The following ABCC1 variants were observed in gnomAD, a reference collection of about 807,000 sequenced individuals.
ABCC1 encodes the protein multidrug resistance-associated protein 1.
In ABCC1, 83 loss-of-function variants were observed where a neutral mutation model predicts 172.9. That is an observed-to-expected ratio of 0.48 (90% CI 0.40 to 0.58). ABCC1 has a LOEUF of 0.58. Among genes scored for constraint, ABCC1 ranks in the 20% least tolerant of loss-of-function variants. The probability of loss-of-function intolerance (pLI) is 0.00; values close to 1 mark genes in which losing one functional copy is unlikely to be tolerated. For synonymous variants in ABCC1, 937 were observed against 825.2 expected, an observed-to-expected ratio of 1.14 and a Z score of -2.32; for missense variants, 1,817 against 2,002.7, an observed-to-expected ratio of 0.91 and a Z score of 1.77.
chr16:15,996,225 C>A (rs558791356), intron 1 of ABCC1, among the ~76,000 whole-genome samples: 1 of 152,036 alleles, frequency 6.6e-6, no homozygotes, highest in African/African-American at 2.4e-5. Flanking sequence ...CCTCATGATC[C>A]GCCCGCCTCA....
intron 1 of ABCC1, among the ~76,000 whole-genome samples, chr16:15,958,475 T>C (rs1215632395): frequency 6.6e-6 from 1 of 152,210 alleles, no homozygotes; most frequent in African/African-American, 2.4e-5. Context: ...GAACCCACTT[T>C]GGCACCTGTT....
In ABCC1 at chr16:16,111,546, C is replaced by T. The variant is rs1421107346; in HGVS notation, c.3043C>T (p.Arg1015Trp). The T allele has an allele frequency of 3.7e-6, 6 of 1,613,934 alleles. No individual in the cohort carries two copies. Among genetic ancestry groups the T allele is most frequent in the East Asian group, 2.2e-5 (1 of 44,892 alleles). ...VNGTQEHTKV[R>W]LSVYGALGIS... ...CGGGACTCAGGAGCACACGAAAGTC[C>T]GGCTGAGCGTCTATGGAGCCCTGGG... The change falls in exon 22 of 31, where the codon CGG becomes TGG. Residue 1015 changes from arginine to tryptophan, a missense_variant. Transcript: ENST00000399410.
At chr16:16,005,896 G>A (rs568787515) in intron 1 of ABCC1, among the ~76,000 whole-genome samples, 25 of 151,968 alleles carry the variant, frequency 1.6e-4, no homozygotes, top group African/African-American at 6.0e-4. Context: ...AGAGATTGCA[G>A]TGAGCCGAGA....
intron 22 of ABCC1, among the ~76,000 whole-genome samples, chr16:16,113,480 C>T (rs2044712115): frequency 6.6e-6 from 1 of 152,144 alleles, no homozygotes; most frequent in African/African-American, 2.4e-5. Context: ...CATGGCAAAA[C>T]CCTGTTTCTA....
At chr16:16,086,793 G>A in intron 17 of ABCC1, 31 bp from the exon 18 acceptor site, 1 of 1,607,480 alleles carries the variant, frequency 6.2e-7, no homozygotes, top group South Asian at 1.1e-5. Context: ...GATTTCCCAG[G>A]AAACCCACTC....
chr16:16,055,533 G>C (rs1278660815), intron 11 of ABCC1, among the ~76,000 whole-genome samples: 1 of 148,982 alleles, frequency 6.7e-6, no homozygotes, highest in African/African-American at 2.5e-5. Context: ...CTGGGCAAGA[G>C]AGCGAGACTC....
intron 12 of ABCC1, among the ~76,000 whole-genome samples, 183 bp from the exon 13 acceptor site, chr16:16,067,973 G>T (rs2050176694): frequency 6.6e-6 from 1 of 152,014 alleles, no homozygotes; most frequent in South Asian, 2.1e-4. Flanking sequence ...TTCATTCCCA[G>T]AGTGTTTAGT....
intron 1 of ABCC1, among the ~76,000 whole-genome samples, chr16:15,958,062 T>C (rs7190484): frequency 0.59 from 89,958 of 152,058 alleles, 27,159 homozygotes; most frequent in East Asian, 0.69. Flanking sequence ...CCCCTCCCTG[T>C]TGTTGCTTTA....
Position 16,044,624 on chromosome 16 carries a change from C to T in ABCC1, c.984C>T (p.Ser328=). ...CCTTTGGGCCCTACTTCCTCATGAG[C>T]TTCTTCTTCAAGGCCATCCACGACC... The part of the protein sequence containing the change: ...YKTFGPYFLM[S]FFFKAIHDLM... Residue 328 remains serine, a synonymous_variant, in exon 8 of 31, where the codon AGC becomes AGT. Coordinates refer to ENST00000399410, the MANE Select transcript of ABCC1 (RefSeq NM_004996.4). 6.2e-7 allele frequency: 1 copy of T among 1,614,146 alleles called. No individual in the cohort carries two copies. Among genetic ancestry groups the T allele is most frequent in the South Asian group, 1.1e-5 (1 of 91,078 alleles).
chr16:16,066,723 AC>A (rs2050125788), intron 12 of ABCC1, among the ~76,000 whole-genome samples: 2 of 151,376 alleles, frequency 1.3e-5, no homozygotes, highest in Admixed American at 1.3e-4. Context: ...ACATGGCGAA[AC>A]CCCATCTCTA....
intron 1 of ABCC1, among the ~76,000 whole-genome samples, chr16:15,963,346 G>T (rs943104231): frequency 6.6e-6 from 1 of 152,248 alleles, no homozygotes; most frequent in Non-Finnish European, 1.5e-5. Context: ...CGATGTAGCT[G>T]CAGGTGGATC....
chr16:16,083,615 G>C (rs2050891559), intron 17 of ABCC1, 73 bp downstream of exon 17: 1 of 1,556,046 alleles, frequency 6.4e-7, no homozygotes, highest in Admixed American at 1.7e-5. Context: ...CACAATCTCA[G>C]TGGGCTGTGA....
intron 5 of ABCC1, among the ~76,000 whole-genome samples, chr16:16,030,861 T>C (rs536001811): frequency 6.6e-6 from 1 of 152,010 alleles, no homozygotes; most frequent in Admixed American, 6.6e-5. Context: ...TTTTTTTAAA[T>C]TTTATTTTTA....
chr16:16,006,383 A>G (rs1375046083), intron 1 of ABCC1, among the ~76,000 whole-genome samples: 4 of 152,000 alleles, frequency 2.6e-5, no homozygotes, highest in Non-Finnish European at 5.9e-5. Context: ...TTACCACCAC[A>G]CTTCAGCCTG....
chr16:15,978,486 C>A (rs1283032714), intron 1 of ABCC1, among the ~76,000 whole-genome samples: 2 of 152,056 alleles, frequency 1.3e-5, no homozygotes, highest in African/African-American at 4.8e-5. Flanking sequence ...ATATTTCTTG[C>A]CTTTTATGTG....
intron 5 of ABCC1, among the ~76,000 whole-genome samples, chr16:16,021,859 TC>T (rs1376167340): frequency 6.6e-6 from 1 of 152,144 alleles, no homozygotes; most frequent in Non-Finnish European, 1.5e-5. Flanking sequence ...TCGGTGCTCT[TC>T]CTTTGGGGAC....
rs573305051 is a variant in ABCC1, at chr16:15,984,273, G to A, written c.49-23543G>A. On this transcript the variant is annotated intron_variant, in intron 1 of 30. Transcript: ENST00000399410. ...CAAGGTCCAGTTTTTAAGTGAAAAC[G>A]TGGAGATCCACTTGGTATATTTGGT... 9.7e-4 allele frequency among the ~76,000 whole-genome samples: 148 copies of A among 152,290 alleles called. No homozygotes were observed. The Middle Eastern group carries it at 0.021, about 21-fold the overall frequency.
rs4148362 is a variant in ABCC1, at chr16:16,100,305, A to T, written c.2645-2322A>T. Among the ~76,000 whole-genome samples the T allele has an allele frequency of 4.6e-5, 7 of 152,084 alleles. No individual in the cohort carries two copies. In the South Asian group the frequency reaches 6.2e-4, roughly 13 times the overall value. ...CCATGGTGGCTGCGCTCAGTGACGA[A>T]CAGGAGAAGTGAAGGCTGAGGCTTA... is the stretch of plus-strand genomic sequence containing the variant. On this transcript the variant is annotated intron_variant, in intron 19 of 30. Transcript: ENST00000399410.
chr16:15,996,847 G>A (rs569969631), intron 1 of ABCC1, among the ~76,000 whole-genome samples: 1 of 152,228 alleles, frequency 6.6e-6, no homozygotes, highest in Admixed American at 6.5e-5. Flanking sequence ...ATCTTGTATG[G>A]GAAGACTTAG....
Sources: gnomAD v4.1 joint callset for allele counts (sites outside exome capture counted in the v4.1 genomes callset) on GRCh38, gnomAD v4.1.1 for gene constraint, MANE v1.5 for transcripts, NCBI Gene and HGNC (gene_info 2026-07-23, HGNC 2026-07-21) for gene names.